The following SH3GL2 variants were observed in gnomAD, a reference collection of about 807,000 sequenced individuals.
SH3GL2 encodes the protein SH3 domain containing GRB2 like 2, endophilin A1, also known as endophilin-A1.
SH3GL2 carries 24 observed loss-of-function variants against 46.0 expected under a neutral mutation model. The observed-to-expected ratio is 0.52, with a 90% CI of 0.38 to 0.73. The LOEUF (loss-of-function observed/expected upper bound fraction) is 0.73, where lower values mean the gene tolerates loss of function less well. SH3GL2 is among the 30% of genes least tolerant of loss of function. The pLI is 0.00. For synonymous variants in SH3GL2, 196 were observed against 147.1 expected (o/e 1.33, Z -2.40); for missense variants, 413 against 424.2 (o/e 0.97, Z 0.23).
intron 1 of SH3GL2, among the ~76,000 whole-genome samples, chr9:17,730,790 A>G (rs929784930): frequency 3.0e-5 from 4 of 134,418 alleles, no homozygotes; most frequent in Non-Finnish European, 6.1e-5. Flanking sequence ...TGGTAATTCA[A>G]CAAAGTGCAA....
chr9:17,586,346 C>A (rs918760918), intron 1 of SH3GL2, among the ~76,000 whole-genome samples: 5 of 152,152 alleles, frequency 3.3e-5, no homozygotes, highest in African/African-American at 1.2e-4. Context: ...TGAAGGACCT[C>A]TAGGCAGTGT....
chr9:17,716,037 A>G (rs370669422), intron 1 of SH3GL2, among the ~76,000 whole-genome samples: 1 of 152,114 alleles, frequency 6.6e-6, no homozygotes, highest in Non-Finnish European at 1.5e-5. Context: ...AAGTTGAACT[A>G]TCATAAATTG....
At chr9:17,670,991 A>G (rs1274743544) in intron 1 of SH3GL2, among the ~76,000 whole-genome samples, 13 of 152,194 alleles carry the variant, frequency 8.5e-5, no homozygotes, top group Admixed American at 7.9e-4. Flanking sequence ...CTGGGACCAC[A>G]TTTTGAGGAC....
At chr9:17,633,316 G>C (rs1819474988) in intron 1 of SH3GL2, among the ~76,000 whole-genome samples, 1 of 152,162 alleles carries the variant, frequency 6.6e-6, no homozygotes, top group Non-Finnish European at 1.5e-5. Flanking sequence ...CCAGTCCATT[G>C]ATGTGCACAT....
chr9:17,765,879 A>G (rs1261906008), intron 3 of SH3GL2, among the ~76,000 whole-genome samples: 1 of 152,218 alleles, frequency 6.6e-6, no homozygotes, highest in African/African-American at 2.4e-5. Context: ...GCCAACAGGC[A>G]CTGGGATATT....
intron 1 of SH3GL2, among the ~76,000 whole-genome samples, chr9:17,625,427 G>A (rs1302058967): frequency 6.6e-6 from 1 of 152,192 alleles, no homozygotes; most frequent in African/African-American, 2.4e-5. Flanking sequence ...CAAGTCACCT[G>A]ATAATTTCTG....
chr9:17,653,098 A>T (rs1258463046), intron 1 of SH3GL2, among the ~76,000 whole-genome samples: 2 of 152,190 alleles, frequency 1.3e-5, no homozygotes, highest in Non-Finnish European at 2.9e-5. Context: ...TCAAAAATCC[A>T]ATCTGAAAAG....
intron 1 of SH3GL2, among the ~76,000 whole-genome samples, chr9:17,634,277 A>T (rs1819496039): frequency 6.6e-6 from 1 of 152,202 alleles, no homozygotes; most frequent in South Asian, 2.1e-4. Flanking sequence ...CTTCTTGGGT[A>T]GTTACATATT....
chr9:17,594,133 C>A (rs1379565937), intron 1 of SH3GL2, among the ~76,000 whole-genome samples: 1 of 152,148 alleles, frequency 6.6e-6, no homozygotes, highest in East Asian at 1.9e-4. Flanking sequence ...TTATGGCTCC[C>A]AGGATAGGTC....
chr9:17,694,551 A>G (rs996571928), intron 1 of SH3GL2, among the ~76,000 whole-genome samples: 3 of 152,178 alleles, frequency 2.0e-5, no homozygotes, highest in Non-Finnish European at 2.9e-5. Flanking sequence ...TCAGAATTCA[A>G]TTTATAAAAT....
In SH3GL2 at chr9:17,769,725, A is replaced by G. The variant is rs1823417470; in HGVS notation, c.187+8216A>G. On this transcript the variant is annotated intron_variant, in intron 3 of 8. Coordinates refer to ENST00000380607, the MANE Select transcript of SH3GL2 (RefSeq NM_003026.5). ...TTATTTCCTATCAACATTTGGAATT[A>G]TCTTCTAATTTATCTTTTTGTTTAT... Among the ~76,000 whole-genome samples the G allele has an allele frequency of 2.0e-5, 3 of 152,072 alleles. No individual in the cohort carries two copies. The South Asian group carries it at 6.2e-4, about 32-fold the overall frequency.
chr9:17,651,149 G>T (rs1043153793), intron 1 of SH3GL2, among the ~76,000 whole-genome samples: 1 of 151,810 alleles, frequency 6.6e-6, no homozygotes, highest in Non-Finnish European at 1.5e-5. Context: ...ATCTGGCAGG[G>T]TAAACTTTCA....
At chr9:17,649,789 T>A (rs1056841931) in intron 1 of SH3GL2, among the ~76,000 whole-genome samples, 1 of 152,236 alleles carries the variant, frequency 6.6e-6, no homozygotes, top group Admixed American at 6.5e-5. Flanking sequence ...CTAAGTAGTT[T>A]TTCTTGCTAT....
chr9:17,652,597 C>T (rs966811027), intron 1 of SH3GL2, among the ~76,000 whole-genome samples: 8 of 152,122 alleles, frequency 5.3e-5, no homozygotes, highest in African/African-American at 1.9e-4. Context: ...TGTCTTAATA[C>T]TATATATTAT....
intron 1 of SH3GL2, among the ~76,000 whole-genome samples, chr9:17,709,883 C>T (rs1053650321): frequency 1.3e-5 from 2 of 151,838 alleles, no homozygotes; most frequent in Non-Finnish European, 2.9e-5. Context: ...AAATATGCAT[C>T]CTTTTCTTAA....
chr9:17,579,227 C>T lies in SH3GL2; in HGVS notation c.-16C>T, dbSNP rs746022355. On this transcript the variant is annotated 5_prime_UTR_variant, in exon 1 of 9. Coordinates refer to ENST00000380607, the MANE Select transcript of SH3GL2 (RefSeq NM_003026.5). ...CTCCCTCCCGCACAGCAGCCGCCAG[C>T]GCGGCCTCCTGCACCATGTCGGTGG... 1.3e-6 allele frequency: 2 copies of T among 1,543,366 alleles called. No individual in the cohort carries two copies. Among genetic ancestry groups the T allele is most frequent in the East Asian group, 2.7e-5 (1 of 37,180 alleles).
chr9:17,695,712 A>T lies in SH3GL2; in HGVS notation c.46-51354A>T, dbSNP rs76963311. 1.9e-4 allele frequency among the ~76,000 whole-genome samples: 29 copies of T among 152,126 alleles called. 1 individual carries two copies. In the East Asian group the frequency reaches 5.4e-3, roughly 28 times the overall value. ...CCTCTTTTTTTCAGTCAGGGTAGCTATTATGCAGAGAGCTAGGAGTGGATT... is the reference window on the plus strand; with the variant it reads ...CCTCTTTTTTTCAGTCAGGGTAGCTTTTATGCAGAGAGCTAGGAGTGGATT... On this transcript the variant is annotated intron_variant, in intron 1 of 8. Transcript: ENST00000380607.
At chr9:17,734,242 A>G (rs149201330) in intron 1 of SH3GL2, among the ~76,000 whole-genome samples, 89 of 152,210 alleles carry the variant, frequency 5.8e-4, no homozygotes, top group Middle Eastern at 3.4e-3. Flanking sequence ...TTGTTTCCTC[A>G]TTCAGCCACA....
intron 6 of SH3GL2, chr9:17,789,825 A>C: frequency 1.1e-6 from 1 of 915,368 alleles, no homozygotes; most frequent in Non-Finnish European, 1.3e-6. Context: ...AAAGTCTTGA[A>C]TATATCATGT....
Sources: allele counts gnomAD v4.1 joint callset (sites outside exome capture counted in the v4.1 genomes callset), GRCh38; gene constraint gnomAD v4.1.1; transcripts MANE v1.5; gene names NCBI Gene and HGNC (gene_info 2026-07-23, HGNC 2026-07-21).